The following SUN2 variants were observed in gnomAD, a reference collection of about 807,000 sequenced individuals.
The protein encoded by SUN2 is Sad1 and UNC84 domain containing 2.
A neutral mutation model predicts 100.0 loss-of-function variants in SUN2; 60 were observed. The ratio of observed to expected loss-of-function variants is 0.60; its 90% CI spans 0.49 to 0.74. SUN2 has a LOEUF of 0.74. Ranked by LOEUF, SUN2 falls within the 30% of genes least tolerant of loss-of-function variation. The probability of loss-of-function intolerance (pLI) is 0.00; values close to 1 mark genes in which losing one functional copy is unlikely to be tolerated. For missense variants in SUN2, 834 were observed against 954.6 expected (o/e 0.87, Z 1.66); for synonymous variants, 367 against 403.3 (o/e 0.91, Z 1.08).
intron 7 of SUN2, among the ~76,000 whole-genome samples, chr22:38,747,883 C>T (rs1306572026): frequency 2.0e-5 from 3 of 151,736 alleles, no homozygotes; most frequent in Non-Finnish European, 4.4e-5. Context: ...GTCAAGGCTG[C>T]AGTGAGCTGT....
In SUN2 at chr22:38,741,524, G is replaced by A. The variant is rs577267514; in HGVS notation, c.1116C>T (p.Asp372=). Residue 372 remains aspartate (D), a synonymous_variant, in exon 10 of 18, where the codon GAC becomes GAT. Coordinates refer to ENST00000689035, the MANE Select transcript of SUN2 (RefSeq NM_015374.3). The part of the protein sequence containing the change: ...LRAEHQQDSE[D]LFKKIVRASQ... ...AGGCCCGGACGATCTTCTTGAAGAG[G>A]TCTTCTGAGTCTTGCTGATGCTCTG... 8.7e-6 allele frequency: 14 copies of A among 1,614,042 alleles called. No homozygotes were observed. In the African/African-American group the frequency reaches 1.9e-4, roughly 22 times the overall value.
At chr22:38,744,107 G>T (rs904431400) in intron 8 of SUN2, among the ~76,000 whole-genome samples, 1 of 151,994 alleles carries the variant, frequency 6.6e-6, no homozygotes, top group Non-Finnish European at 1.5e-5. Context: ...TGGCATGGTG[G>T]TGCGCGCCTG....
chr22:38,745,080 C>T (rs1042857573), intron 8 of SUN2: 18 of 471,018 alleles, frequency 3.8e-5, no homozygotes, highest in South Asian at 1.9e-4. Flanking sequence ...GCGGGAGTGA[C>T]GGTGTGCTGG....
chr22:38,739,744 CCTT>C lies in SUN2; in HGVS notation c.1553_1555del (p.Glu518del), dbSNP rs767073187. The stretch of plus-strand genomic sequence containing the variant: ...CACCTCCTCTGTCACTCCAATCACA[CCTT>C]CTTTCTGCAGCGTCAGGCTCAGGGA... On this transcript the variant is annotated inframe_deletion, in exon 13 of 18. Coordinates refer to ENST00000689035, the MANE Select transcript of SUN2 (RefSeq NM_015374.3). This position sits in a 1 kb window ranked among gnomAD's most constrained non-coding sequence, Gnocchi z 6.7. 19 of 1,613,682 alleles carry C rather than the reference CCTT, an allele frequency of 1.2e-5. No individual in the cohort carries two copies. The highest frequency in any genetic ancestry group is 2.7e-5 in the African/African-American group (2 of 75,056).
rs528435481 is a variant in SUN2, at chr22:38,740,186, G to A, written c.1356+81C>T. 7.0e-6 allele frequency: 10 copies of A among 1,438,140 alleles called. No individual in the cohort carries two copies. The highest frequency in any genetic ancestry group is 1.5e-5 in the South Asian group (1 of 68,936). The allele number at this position is 1,438,140 out of a possible 1,614,324, so 89.1% of individuals were successfully genotyped here. ...ATAACAGAGGCTGCAGGGGCAAGGG[G>A]TGCTGCTTTGCAGGCCCCAGGACAC... On this transcript the variant is annotated intron_variant, in intron 12 of 17. Transcript: ENST00000689035. This position sits in a 1 kb window ranked among gnomAD's most constrained non-coding sequence, Gnocchi z 4.8.
At chr22:38,743,006 C>T (rs1036816359) in intron 8 of SUN2, 1 of 159,392 alleles carries the variant, frequency 6.3e-6, no homozygotes, top group African/African-American at 2.4e-5. Context: ...GCTTTCACTC[C>T]TTCCCTAGGT....
Position 38,736,357 on chromosome 22 carries a change from C to G in SUN2, c.2064G>C (p.Gln688His). The G allele has an allele frequency of 1.9e-6, 3 of 1,613,890 alleles. No individual in the cohort carries two copies. Residue 688 changes from glutamine to histidine, a missense_variant, in exon 18 of 18, where the codon CAG (glutamine) becomes CAC (histidine). Coordinates refer to ENST00000689035, the MANE Select transcript of SUN2 (RefSeq NM_015374.3). ...HFQAPTMATY[Q>H]VVELRILTNW... ...TAGTCAGGATCCGCAGCTCCACCAC[C>G]TGGTACGTGGCCATCGTAGGGGCCT...
chr22:38,747,781 A>C (rs1372180456), intron 7 of SUN2, among the ~76,000 whole-genome samples: 1 of 151,878 alleles, frequency 6.6e-6, no homozygotes, highest in Admixed American at 6.6e-5. Flanking sequence ...CGTCTCTACT[A>C]AAAATACAAA....
Position 38,750,986 on chromosome 22 carries a change from G to A in SUN2, c.336C>T (p.Ser112=), listed in dbSNP as rs759833971. The A allele has an allele frequency of 1.2e-6, 2 of 1,613,776 alleles. No homozygotes were observed. Among genetic ancestry groups the A allele is most frequent in the Non-Finnish European group, 1.7e-6 (2 of 1,179,946 alleles). The change falls in exon 4 of 18, where the codon AGC becomes AGT. Residue 112 remains serine, a synonymous_variant. Transcript: ENST00000689035. ...RRRRGTGGSE[S]SRASGLVGRK... is the part of the protein sequence containing the mutation. ...GCCCCACAAGCCCGCTGGCCCTGCTGCTCTCTGAGCCACCCGTGCCTCTCC... is the reference window on the plus strand; with the variant it reads ...GCCCCACAAGCCCGCTGGCCCTGCTACTCTCTGAGCCACCCGTGCCTCTCC...
Position 38,742,564 on chromosome 22 carries a change from G to A in SUN2, c.814-9C>T. 1 of 1,602,780 alleles carries A rather than the reference G, an allele frequency of 6.2e-7. No individual in the cohort carries two copies. Among genetic ancestry groups the A allele is most frequent in the South Asian group, 1.1e-5 (1 of 90,758 alleles). ...ATAACACGCTGCTCAGCCTGGAAGG[G>A]CAGAGAGAGAGCCACGGAGTGAGGG... On this transcript the variant is annotated splice_polypyrimidine_tract_variant and intron_variant, in intron 8 of 17. Coordinates refer to ENST00000689035, the MANE Select transcript of SUN2 (RefSeq NM_015374.3).
intron 9 of SUN2, among the ~76,000 whole-genome samples, chr22:38,741,948 CTGGCCAACT>C (rs1229612573): frequency 7.2e-6 from 1 of 139,372 alleles, no homozygotes; most frequent in African/African-American, 2.5e-5. Context: ...CGAGACCAGC[CTGGCCAACT>C]TGGTAAAACC....
chr22:38,741,627 C>T, intron 9 of SUN2, 56 bp from the exon 10 acceptor site: 1 of 1,515,430 alleles, frequency 6.6e-7, no homozygotes, highest in Non-Finnish European at 9.2e-7. Context: ...TAGGGACCCT[C>T]ATGACTAGGA....
chr22:38,749,749 G>C lies in SUN2; in HGVS notation c.614+17C>G, dbSNP rs2092929600. The C allele has an allele frequency of 1.9e-6, 3 of 1,612,818 alleles. No homozygotes were observed. In the African/African-American group the frequency reaches 4.0e-5, roughly 21 times the overall value. ...CAGGGCCTTGCGATTTATTGGCAAG[G>C]GTGGAGTCTCGCTCACCTGGTTAAA... On this transcript the variant is annotated intron_variant, in intron 6 of 17. Transcript: ENST00000689035.
At position 38,738,085 on chromosome 22, in the gene SUN2, C is replaced by G. The variant is rs767185819; in HGVS notation, c.2040+88G>C. The G allele has an allele frequency of 4.2e-6, 5 of 1,193,108 alleles. No homozygotes were observed. The highest frequency in any genetic ancestry group is 1.5e-5 in the African/African-American group (1 of 66,840). 73.9% of individuals were successfully genotyped at this position (1,193,108 alleles called of 1,614,324 possible). On this transcript the variant is annotated intron_variant, in intron 17 of 17. Transcript: ENST00000689035. This position sits in a 1 kb window ranked among gnomAD's most constrained non-coding sequence, Gnocchi z 6.6. ...GAGCAGGGCTTCCCTCTCTGAACCC[C>G]ATGCCTGGCAGGGTAAGTGCCCAGG...
chr22:38,746,396 A>G (rs1324602372), intron 7 of SUN2, among the ~76,000 whole-genome samples: 1 of 152,136 alleles, frequency 6.6e-6, no homozygotes, highest in Non-Finnish European at 1.5e-5. Flanking sequence ...TTTCAGGGCC[A>G]TCTGTTTGAT....
Position 38,740,292 on chromosome 22 carries a change from T to A in SUN2, c.1331A>T (p.Gln444Leu). ...GTCGTCCCGCACGGCCTGGATCTGCTGGGGCAGCAGGCCCACTTCTTCCGC... is the reference window on the plus strand; with the variant it reads ...GTCGTCCCGCACGGCCTGGATCTGCAGGGGCAGCAGGCCCACTTCTTCCGC... ...SVAEEVGLLPQQIQAVRDDVE... is the reference protein window; with the variant it reads ...SVAEEVGLLPLQIQAVRDDVE... The change falls in exon 12 of 18, where the codon CAG (glutamine) becomes CTG (leucine). Residue 444 changes from glutamine to leucine, a missense_variant. Gln to Leu is a moderately radical substitution (Grantham distance 113). Coordinates refer to ENST00000689035, the MANE Select transcript of SUN2 (RefSeq NM_015374.3). The surrounding 1 kb of genome is among the most constrained non-coding windows in gnomAD (Gnocchi z 4.8). The A allele has an allele frequency of 6.2e-7, 1 of 1,602,072 alleles. No individual in the cohort carries two copies. The highest frequency in any genetic ancestry group is 2.2e-5 in the East Asian group (1 of 44,510).
At position 38,740,105 on chromosome 22, in the gene SUN2, A is replaced by G. The variant is rs1163516958; in HGVS notation, c.1356+162T>C. On this transcript the variant is annotated intron_variant, in intron 12 of 17. Transcript: ENST00000689035. This position sits in a 1 kb window ranked among gnomAD's most constrained non-coding sequence, Gnocchi z 4.8. ...CATGGGCACTAACAAAAACAGGAAG[A>G]ACGCCTGTCAGTGAGAGCCCACATG... is the stretch of plus-strand genomic sequence containing the variant. Among the ~76,000 whole-genome samples, 2 of 152,234 alleles carry G rather than the reference A, an allele frequency of 1.3e-5. No individual in the cohort carries two copies. Among genetic ancestry groups the G allele is most frequent in the Non-Finnish European group, 1.5e-5 (1 of 68,028 alleles).
In SUN2 at chr22:38,740,579, C is replaced by T; in HGVS notation, c.1191-147G>A. On this transcript the variant is annotated intron_variant, in intron 11 of 17. Coordinates refer to ENST00000689035, the MANE Select transcript of SUN2 (RefSeq NM_015374.3). This position sits in a 1 kb window ranked among gnomAD's most constrained non-coding sequence, Gnocchi z 4.8. ...GTGAACCTGAGAAGGGGCAAGGCCT[C>T]TCCTGGGGGTTCTGGCTGCAGAACC... The T allele has an allele frequency of 1.2e-6, 1 of 842,980 alleles. No individual in the cohort carries two copies. Among genetic ancestry groups the T allele is most frequent in the South Asian group, 2.4e-5 (1 of 41,916 alleles). The allele number at this position is 842,980 out of a possible 1,614,324, so 52.2% of individuals were successfully genotyped here. A position where few individuals can be genotyped will look rare whatever the true frequency, so the allele number is the denominator to read the frequency against.
intron 1 of SUN2, 99 bp from the exon 2 acceptor site, chr22:38,752,764 A>G: frequency 7.4e-7 from 1 of 1,358,982 alleles, no homozygotes. Flanking sequence ...ACAGCCGAGA[A>G]CAGACCACCC....
Sources: gnomAD v4.1 joint callset for allele counts (sites outside exome capture counted in the v4.1 genomes callset) on GRCh38, gnomAD v4.1.1 for gene constraint, Gnocchi (gnomAD v3.1) non-coding constraint, MANE v1.5 for transcripts, NCBI Gene and HGNC (gene_info 2026-07-23, HGNC 2026-07-21) for gene names.